The following RALYL variants were observed in gnomAD, a reference collection of about 807,000 sequenced individuals.
RALYL encodes RNA-binding Raly-like protein.
A neutral mutation model predicts 35.1 loss-of-function variants in RALYL; 29 were observed. The observed-to-expected ratio is 0.83, with a 90% CI of 0.61 to 1.13. RALYL has a LOEUF of 1.13. RALYL is among the 50% of genes most tolerant of loss of function. The pLI, the probability that RALYL is intolerant of heterozygous loss-of-function variation, is 0.00. For synonymous variants in RALYL, 120 were observed against 127.6 expected (o/e 0.94, Z 0.40); for missense variants, 359 against 360.4 (o/e 1.00, Z 0.03).
intron 2 of RALYL, among the ~76,000 whole-genome samples, chr8:84,718,751 T>C (rs1843351467): frequency 6.6e-6 from 1 of 151,212 alleles, no homozygotes; most frequent in South Asian, 2.1e-4. Flanking sequence ...GGTGACAGAG[T>C]GAGACTCTGT....
chr8:84,469,058 C>T (rs1315372666), intron 1 of RALYL, among the ~76,000 whole-genome samples: 1 of 151,854 alleles, frequency 6.6e-6, no homozygotes, highest in Non-Finnish European at 1.5e-5. Context: ...AATTTTTTTT[C>T]AAAGTTTTCA....
intron 8 of RALYL, among the ~76,000 whole-genome samples, chr8:84,894,864 A>G (rs1345566448): frequency 6.6e-6 from 1 of 152,196 alleles, no homozygotes; most frequent in Non-Finnish European, 1.5e-5. Context: ...TGGAGGTTGG[A>G]TGGCTTAACT....
At chr8:84,551,518 C>T (rs2060717393) in intron 2 of RALYL, among the ~76,000 whole-genome samples, 1 of 151,914 alleles carries the variant, frequency 6.6e-6, no homozygotes, top group African/African-American at 2.4e-5. Flanking sequence ...TAAAAGACGA[C>T]TTTTGAGTTG....
chr8:84,707,285 T>TA (rs1841386772), intron 2 of RALYL, among the ~76,000 whole-genome samples: 2 of 152,170 alleles, frequency 1.3e-5, no homozygotes, highest in African/African-American at 4.8e-5. Flanking sequence ...TTTTTTCAGG[T>TA]AAAAATGATT....
chr8:84,255,920 C>T (rs1057242694), intron 1 of RALYL, among the ~76,000 whole-genome samples: 5 of 152,028 alleles, frequency 3.3e-5, no homozygotes, highest in African/African-American at 1.2e-4. Context: ...AGGAGCATAA[C>T]TAAGGATACC....
intron 8 of RALYL, among the ~76,000 whole-genome samples, chr8:84,919,262 T>C (rs1848946938): frequency 6.6e-6 from 1 of 152,094 alleles, no homozygotes; most frequent in Admixed American, 6.6e-5. Flanking sequence ...TTTCCTTTTT[T>C]GCACACAAGT....
intron 2 of RALYL, among the ~76,000 whole-genome samples, chr8:84,553,426 G>A (rs1377217143): frequency 6.6e-6 from 1 of 152,118 alleles, no homozygotes; most frequent in African/African-American, 2.4e-5. Context: ...CAAAGTGATG[G>A]GATTACAGGT....
At chr8:84,672,227 C>T (rs1013053988) in intron 2 of RALYL, among the ~76,000 whole-genome samples, 1 of 152,152 alleles carries the variant, frequency 6.6e-6, no homozygotes, top group Non-Finnish European at 1.5e-5. Context: ...CTCCATTTCC[C>T]AACAAGTTCC....
chr8:84,310,092 A>G (rs958083339), intron 1 of RALYL, among the ~76,000 whole-genome samples: 2 of 151,436 alleles, frequency 1.3e-5, no homozygotes, highest in African/African-American at 4.9e-5. Context: ...TCTGTCACAC[A>G]GGCTGGAGTG....
chr8:84,568,487 G>C (rs1464360216), intron 2 of RALYL, among the ~76,000 whole-genome samples: 1 of 149,762 alleles, frequency 6.7e-6, no homozygotes, highest in Admixed American at 6.7e-5. Context: ...CTTTGCTATT[G>C]TGAATAATGC....
intron 1 of RALYL, among the ~76,000 whole-genome samples, chr8:84,254,746 G>GAGAAAAA (rs770155597): frequency 4.5e-4 from 57 of 126,498 alleles, no homozygotes; most frequent in African/African-American, 1.5e-3. Context: ...GGTAATTTAT[G>GAGAAAAA]AAAAAAAAAA....
chr8:84,570,068 T>C (rs1431265646), intron 2 of RALYL, among the ~76,000 whole-genome samples: 1 of 151,906 alleles, frequency 6.6e-6, no homozygotes, highest in Non-Finnish European at 1.5e-5. Context: ...TTGGTTATTC[T>C]GGCTCTTTTT....
intron 2 of RALYL, among the ~76,000 whole-genome samples, chr8:84,718,175 A>G (rs1189204187): frequency 6.6e-6 from 1 of 152,190 alleles, no homozygotes; most frequent in Non-Finnish European, 1.5e-5. Context: ...ATTATTACCA[A>G]ATTATTAAGA....
At chr8:84,390,325 T>A (rs540508411) in intron 1 of RALYL, among the ~76,000 whole-genome samples, 2 of 152,132 alleles carry the variant, frequency 1.3e-5, no homozygotes, top group Non-Finnish European at 2.9e-5. Context: ...TGTCTCTGCC[T>A]GACTTTGGTA....
chr8:84,909,843 C>A lies in RALYL; in HGVS notation c.859-11051C>A, dbSNP rs1847201003. ...TAAGTTTTTAACTAAATAAGTTAAG[C>A]CTCAAAGTCTTACTGCCAAGGAAAA... On this transcript the variant is annotated intron_variant, in intron 8 of 8. Coordinates refer to ENST00000521268, the MANE Select transcript of RALYL (RefSeq NM_173848.7). Among the ~76,000 whole-genome samples the A allele has an allele frequency of 2.0e-5, 3 of 152,168 alleles. No individual in the cohort carries two copies. The South Asian group carries it at 6.2e-4, about 32-fold the overall frequency.
chr8:84,436,962 T>C (rs1218131324), intron 1 of RALYL, among the ~76,000 whole-genome samples: 1 of 152,094 alleles, frequency 6.6e-6, no homozygotes, highest in Non-Finnish European at 1.5e-5. Context: ...GTTGCTGCGA[T>C]TGAACCTGTC....
chr8:84,808,195 G>T (rs1020368652), intron 4 of RALYL, among the ~76,000 whole-genome samples: 2 of 152,174 alleles, frequency 1.3e-5, no homozygotes, highest in Non-Finnish European at 2.9e-5. Flanking sequence ...CGAGAGATGA[G>T]GATCCAGTTT....
chr8:84,536,586 A>C (rs1341734714), intron 2 of RALYL, among the ~76,000 whole-genome samples: 1 of 152,200 alleles, frequency 6.6e-6, no homozygotes, highest in Admixed American at 6.5e-5. Flanking sequence ...CAGAACCCCT[A>C]AAGAAGCACA....
intron 1 of RALYL, among the ~76,000 whole-genome samples, chr8:84,294,661 G>A (rs1168269811): frequency 6.6e-6 from 1 of 152,030 alleles, no homozygotes; most frequent in Non-Finnish European, 1.5e-5. Context: ...CACTCAATCA[G>A]ACCTTGTTAT....
Sources: allele counts gnomAD v4.1 joint callset (sites outside exome capture counted in the v4.1 genomes callset), GRCh38; gene constraint gnomAD v4.1.1; transcripts MANE v1.5; gene names NCBI Gene and HGNC (gene_info 2026-07-23, HGNC 2026-07-21).